RBMS3: variants seen among roughly 807,000 people sequenced by gnomAD.
RBMS3 encodes the protein RNA binding motif single stranded interacting protein 3.
RBMS3 carries 27 observed loss-of-function variants against 66.8 expected under a neutral mutation model. That is an observed-to-expected ratio of 0.40 (90% CI 0.30 to 0.56). RBMS3 has a LOEUF of 0.56. Among genes scored for constraint, RBMS3 ranks in the 20% least tolerant of loss-of-function variants. The pLI is 0.40. For missense variants in RBMS3, 513 were observed against 549.5 expected, an observed-to-expected ratio of 0.93 and a Z score of 0.66; for synonymous variants, 188 against 183.0, an observed-to-expected ratio of 1.03 and a Z score of -0.22.
intron 6 of RBMS3, among the ~76,000 whole-genome samples, chr3:29,814,484 T>G (rs1004557857): frequency 2.0e-5 from 3 of 152,218 alleles, no homozygotes; most frequent in African/African-American, 7.2e-5. Context: ...ATCAGGATGA[T>G]GCTGGCCTCA....
intron 6 of RBMS3, among the ~76,000 whole-genome samples, chr3:29,828,010 T>C (rs1468435121): frequency 1.3e-5 from 2 of 152,224 alleles, no homozygotes; most frequent in African/African-American, 4.8e-5. Context: ...AGTTCATATA[T>C]TTTTGCTTCA....
intron 1 of RBMS3, among the ~76,000 whole-genome samples, chr3:29,360,620 T>C (rs1360185707): frequency 6.6e-6 from 1 of 152,016 alleles, no homozygotes; most frequent in Non-Finnish European, 1.5e-5. Flanking sequence ...TTCTGTCTCA[T>C]TGATCTGTCT....
intron 1 of RBMS3, among the ~76,000 whole-genome samples, chr3:29,333,326 C>T (rs112780492): frequency 4.5e-3 from 684 of 152,068 alleles, no homozygotes; most frequent in Admixed American, 7.6e-3. Context: ...CATCCAGTGC[C>T]CTCTCAAGGG....
At chr3:29,999,788 T>A (rs1285966216) in intron 14 of RBMS3, among the ~76,000 whole-genome samples, 1 of 151,852 alleles carries the variant, frequency 6.6e-6, no homozygotes, top group Non-Finnish European at 1.5e-5. Flanking sequence ...GGGATAACAT[T>A]AGGAGATATA....
intron 2 of RBMS3, among the ~76,000 whole-genome samples, chr3:29,443,855 G>A (rs772828423): frequency 2.8e-4 from 43 of 152,084 alleles, no homozygotes; most frequent in Non-Finnish European, 5.7e-4. Flanking sequence ...TGACAAAAGG[G>A]TTAAGAGAAA....
intron 13 of RBMS3, among the ~76,000 whole-genome samples, chr3:29,988,448 T>TCTTTCATATTTAGAGAAAATTCC (rs1459024002): frequency 6.6e-6 from 1 of 152,238 alleles, no homozygotes. Flanking sequence ...GACGGGAGTC[T>TCTTTCATATTTAGAGAAAATTCC]CTTTCATATT....
At chr3:29,819,869 GC>G (rs1415254074) in intron 6 of RBMS3, among the ~76,000 whole-genome samples, 1 of 152,072 alleles carries the variant, frequency 6.6e-6, no homozygotes, top group Non-Finnish European at 1.5e-5. Flanking sequence ...AAGTGTCGAA[GC>G]CACTGTTTTT....
At chr3:29,691,947 C>CTCTCTCTCTTTTTTT (rs1218393454) in intron 4 of RBMS3, among the ~76,000 whole-genome samples, 1 of 53,542 alleles carries the variant, frequency 1.9e-5, no homozygotes, top group African/African-American at 7.5e-5. Flanking sequence ...CTCTCTCTCT[C>CTCTCTCTCTTTTTTT]TATTTTTTTT....
At chr3:29,602,052 C>T (rs1576337770) in intron 4 of RBMS3, among the ~76,000 whole-genome samples, 1 of 151,986 alleles carries the variant, frequency 6.6e-6, no homozygotes, top group South Asian at 2.1e-4. Flanking sequence ...TCCCTTAATG[C>T]TGTGTGGGAG....
chr3:29,928,182 A>ATGTG lies in RBMS3; in HGVS notation c.940-7903_940-7902insGTGT, dbSNP rs36082098. ...ACTGGTCTGCTCCTCTTCAAATTTT[A>ATGTG]TATATATATATATATATATATATAT... On this transcript the variant is annotated intron_variant, in intron 10 of 14. Coordinates refer to ENST00000383767, the MANE Select transcript of RBMS3 (RefSeq NM_001003793.3). 3.3e-3 allele frequency among the ~76,000 whole-genome samples: 339 copies of ATGTG among 102,102 alleles called. 1 individual carries two copies. Among genetic ancestry groups the ATGTG allele is most frequent in the African/African-American group, 0.013 (313 of 24,528 alleles). The allele number at this position is 102,102 out of a possible 152,430, so 67.0% of individuals were successfully genotyped here. A position where few individuals can be genotyped will look rare whatever the true frequency, so the allele number is the denominator to read the frequency against.
chr3:29,715,265 A>C (rs1559599145), intron 4 of RBMS3, among the ~76,000 whole-genome samples: 1 of 152,140 alleles, frequency 6.6e-6, no homozygotes, highest in Non-Finnish European at 1.5e-5. Flanking sequence ...GGCATTTCAC[A>C]AATGTCTGTA....
intron 4 of RBMS3, among the ~76,000 whole-genome samples, chr3:29,686,455 TAGG>T (rs1175180224): frequency 1.3e-5 from 2 of 152,022 alleles, no homozygotes; most frequent in Non-Finnish European, 2.9e-5. Flanking sequence ...GAAGATGAAA[TAGG>T]AGAATTGCTT....
intron 4 of RBMS3, among the ~76,000 whole-genome samples, chr3:29,640,456 C>T (rs754099171): frequency 4.6e-5 from 7 of 151,188 alleles, no homozygotes; most frequent in Admixed American, 6.6e-5. Context: ...AGAAGATAAG[C>T]GAAGTTTGAT....
At chr3:29,974,110 C>T (rs764452229) in intron 12 of RBMS3, among the ~76,000 whole-genome samples, 12 of 152,016 alleles carry the variant, frequency 7.9e-5, no homozygotes, top group South Asian at 2.1e-4. Flanking sequence ...ACTATGTTGA[C>T]GGTCTTTACC....
At chr3:29,932,370 G>GT (rs1397969402) in intron 10 of RBMS3, among the ~76,000 whole-genome samples, 1 of 152,288 alleles carries the variant, frequency 6.6e-6, no homozygotes, top group South Asian at 2.1e-4. Context: ...TGTAAGAACT[G>GT]TAACACTGGC....
intron 3 of RBMS3, among the ~76,000 whole-genome samples, chr3:29,586,627 A>G (rs1472830542): frequency 1.3e-5 from 2 of 152,172 alleles, no homozygotes; most frequent in African/African-American, 2.4e-5. Flanking sequence ...CATGAAGTCA[A>G]CATGTATTTA....
chr3:29,618,341 A>G (rs993547269), intron 4 of RBMS3, among the ~76,000 whole-genome samples: 2 of 151,962 alleles, frequency 1.3e-5, no homozygotes, highest in African/African-American at 2.4e-5. Context: ...CTACATCTCT[A>G]CCAAAATTAC....
At chr3:29,869,316 A>G (rs1302433677) in intron 7 of RBMS3, among the ~76,000 whole-genome samples, 1 of 152,142 alleles carries the variant, frequency 6.6e-6, no homozygotes, top group East Asian at 1.9e-4. Context: ...AGTGAAATCA[A>G]TAGGGAAAGT....
At chr3:29,861,033 T>G (rs1248491886) in intron 6 of RBMS3, among the ~76,000 whole-genome samples, 1 of 152,120 alleles carries the variant, frequency 6.6e-6, no homozygotes, top group Non-Finnish European at 1.5e-5. Context: ...CCGGCTAATT[T>G]TTTGTATTTT....
Sources: gnomAD v4.1 joint callset for allele counts (sites outside exome capture counted in the v4.1 genomes callset) on GRCh38, gnomAD v4.1.1 for gene constraint, MANE v1.5 for transcripts, NCBI Gene and HGNC (gene_info 2026-07-23, HGNC 2026-07-21) for gene names.